FRMPD4: variants seen among roughly 807,000 people sequenced by gnomAD.
FRMPD4 encodes the protein FERM and PDZ domain containing 4.
A neutral mutation model predicts 94.1 loss-of-function variants in FRMPD4; 22 were observed. The observed-to-expected ratio is 0.23, with a 90% CI of 0.17 to 0.33. FRMPD4 has a LOEUF of 0.33. FRMPD4 is among the 10% of genes least tolerant of loss of function. FRMPD4 has a pLI of 1.00. For synonymous variants in FRMPD4, 631 were observed against 548.6 expected (o/e 1.15, Z -2.10); for missense variants, 1,111 against 1,339.9 (o/e 0.83, Z 2.67).
chrX:12,713,372 C>G (rs368169405), intron 14 of FRMPD4, among the ~76,000 whole-genome samples: 20 of 111,095 alleles, frequency 1.8e-4, no homozygotes, highest in African/African-American at 6.5e-4. Context: ...AACATAGTTA[C>G]AAAAAGTATT....
At chrX:12,499,751 A>C (rs1239168393) in intron 2 of FRMPD4, among the ~76,000 whole-genome samples, 1 of 112,098 alleles carries the variant, frequency 8.9e-6, no homozygotes, top group African/African-American at 3.2e-5. Context: ...TGGATAGGCC[A>C]CATTTTGTGT....
intron 1 of FRMPD4, among the ~76,000 whole-genome samples, chrX:12,146,739 C>T (rs1191915362): frequency 8.9e-6 from 1 of 112,606 alleles, no homozygotes; most frequent in East Asian, 2.8e-4. Flanking sequence ...AAGATAATTT[C>T]ACTGCTTTAA....
intron 1 of FRMPD4, among the ~76,000 whole-genome samples, chrX:11,843,853 T>C (rs1247340817): frequency 8.9e-6 from 1 of 111,786 alleles, no homozygotes; most frequent in Non-Finnish European, 1.9e-5. Flanking sequence ...TACCTGGCCT[T>C]TTAACATTTC....
chrX:12,197,640 T>C (rs931758918), intron 1 of FRMPD4, among the ~76,000 whole-genome samples: 1 of 111,908 alleles, frequency 8.9e-6, no homozygotes, highest in African/African-American at 3.2e-5. Flanking sequence ...AAGGTGACTT[T>C]TGTACACAGA....
intron 1 of FRMPD4, among the ~76,000 whole-genome samples, chrX:12,232,653 G>A (rs925675329): frequency 9.0e-6 from 1 of 111,531 alleles, no homozygotes; most frequent in Non-Finnish European, 1.9e-5. Flanking sequence ...TGGGGTTGGA[G>A]TAGGGAGGGG....
intron 2 of FRMPD4, among the ~76,000 whole-genome samples, chrX:12,606,645 T>C (rs1478464641): frequency 9.0e-6 from 1 of 111,451 alleles, no homozygotes; most frequent in East Asian, 2.8e-4. Flanking sequence ...GCAAGTCACC[T>C]AGCTTCAGCA....
At chrX:12,602,932 G>T (rs1427023890) in intron 2 of FRMPD4, among the ~76,000 whole-genome samples, 1 of 112,328 alleles carries the variant, frequency 8.9e-6, no homozygotes, top group African/African-American at 3.2e-5. Context: ...AAGGGGCAGA[G>T]AAACATGTAC....
intron 3 of FRMPD4, among the ~76,000 whole-genome samples, chrX:12,043,795 A>C (rs1303597918): frequency 8.9e-6 from 1 of 112,113 alleles, no homozygotes; most frequent in Non-Finnish European, 1.9e-5. Context: ...AAGAATATAC[A>C]TATCATAGTC....
intron 2 of FRMPD4, among the ~76,000 whole-genome samples, chrX:12,558,947 TG>T (rs1285825974): frequency 8.9e-6 from 1 of 111,908 alleles, no homozygotes; most frequent in Non-Finnish European, 1.9e-5. Context: ...GTTCCAGGCA[TG>T]GTACTGATTT....
chrX:12,670,670 T>G (rs759975753), intron 4 of FRMPD4, among the ~76,000 whole-genome samples: 1 of 111,234 alleles, frequency 9.0e-6, no homozygotes, highest in South Asian at 3.8e-4. Context: ...TTCCGGACAT[T>G]GGAATGGGGA....
chrX:12,402,931 G>T (rs1400819230), intron 1 of FRMPD4, among the ~76,000 whole-genome samples: 4 of 112,023 alleles, frequency 3.6e-5, no homozygotes, highest in Non-Finnish European at 7.5e-5. Flanking sequence ...CCAGAACTGT[G>T]AGAAATAAAT....
chrX:12,432,765 G>T (rs2057023855), intron 1 of FRMPD4, among the ~76,000 whole-genome samples: 1 of 112,108 alleles, frequency 8.9e-6, no homozygotes, highest in African/African-American at 3.2e-5. Flanking sequence ...CATCATTCTT[G>T]TTGTGTTCTA....
At position 11,849,921 on chromosome X, in the gene FRMPD4, A is replaced by G. The variant is rs780450707; in HGVS notation, c.-160-15165A>G. ...AGCATAGGCAACAAAATAAAAATAG[A>G]TAAACCGGATTATGTCAAAATTTAA... On this transcript the variant is annotated intron_variant, in intron 1 of 18. Transcript: ENST00000640291. Among the ~76,000 whole-genome samples the G allele has an allele frequency of 7.5e-3, 842 of 112,037 alleles. 4 individuals are homozygous for G. Among genetic ancestry groups the G allele is most frequent in the Middle Eastern group, 0.014 (3 of 215 alleles).
chrX:12,447,492 A>C (rs1390231990), intron 1 of FRMPD4, among the ~76,000 whole-genome samples: 1 of 112,207 alleles, frequency 8.9e-6, no homozygotes. Flanking sequence ...AACACCAGAC[A>C]ACTTTTTAAA....
At chrX:11,969,935 A>G (rs2054331559) in intron 3 of FRMPD4, among the ~76,000 whole-genome samples, 1 of 111,210 alleles carries the variant, frequency 9.0e-6, no homozygotes, top group Admixed American at 9.5e-5. Flanking sequence ...TAGTCTTATT[A>G]TTGAGTTACA....
At chrX:12,231,002 A>AATAT (rs3063517) in intron 1 of FRMPD4, among the ~76,000 whole-genome samples, 43 of 50,740 alleles carry the variant, frequency 8.5e-4, no homozygotes, top group African/African-American at 3.0e-3. Context: ...TAGTATATAT[A>AATAT]ATATATAGTA....
intron 3 of FRMPD4, among the ~76,000 whole-genome samples, chrX:12,011,093 C>T (rs924218850): frequency 1.1e-4 from 12 of 112,374 alleles, no homozygotes; most frequent in Non-Finnish European, 2.3e-4. Context: ...TTAATGAATA[C>T]TAAGCTGTAG....
intron 3 of FRMPD4, among the ~76,000 whole-genome samples, chrX:11,945,327 G>T (rs2054183062): frequency 8.9e-6 from 1 of 111,875 alleles, no homozygotes; most frequent in Non-Finnish European, 1.9e-5. Context: ...TGAGAGTTAT[G>T]TCATATTTAA....
intron 1 of FRMPD4, among the ~76,000 whole-genome samples, chrX:12,265,486 C>A (rs2054258305): frequency 8.9e-6 from 1 of 111,767 alleles, no homozygotes; most frequent in African/African-American, 3.3e-5. Flanking sequence ...TGACAGTGAG[C>A]CTTTTCTAGG....
Sources: allele counts gnomAD v4.1 joint callset (sites outside exome capture counted in the v4.1 genomes callset), GRCh38; gene constraint gnomAD v4.1.1; transcripts MANE v1.5; gene names NCBI Gene and HGNC (gene_info 2026-07-23, HGNC 2026-07-21).